Variants in TMEFF2 observed in about 807,000 individuals in gnomAD.
The protein encoded by TMEFF2 is tomoregulin-2.
Under a neutral mutation model 53.8 loss-of-function variants are expected in TMEFF2, and 28 were observed. The ratio of observed to expected loss-of-function variants is 0.52; its 90% CI spans 0.39 to 0.71. The LOEUF (loss-of-function observed/expected upper bound fraction) is 0.71. Ranked by LOEUF, TMEFF2 falls within the 30% of genes least tolerant of loss-of-function variation. The probability of loss-of-function intolerance (pLI) is 0.00; values close to 1 mark genes in which losing one functional copy is unlikely to be tolerated. For synonymous variants in TMEFF2, 162 were observed against 166.3 expected (o/e 0.97, Z 0.20); for missense variants, 353 against 455.2 (o/e 0.78, Z 2.04).
chr2:192,153,833 A>G (rs1002384134), intron 4 of TMEFF2, among the ~76,000 whole-genome samples: 2 of 151,900 alleles, frequency 1.3e-5, no homozygotes, highest in Non-Finnish European at 2.9e-5. Context: ...TAGGGATGAG[A>G]TGGCTGATGC....
intron 5 of TMEFF2, among the ~76,000 whole-genome samples, chr2:192,002,817 G>T (rs116445521): frequency 0.012 from 1,830 of 152,174 alleles, 31 homozygotes; most frequent in African/African-American, 0.042. Flanking sequence ...GCAACAGAGT[G>T]GGACTCTGTT....
intron 7 of TMEFF2, among the ~76,000 whole-genome samples, chr2:191,979,572 G>C (rs1018166152): frequency 4.9e-4 from 75 of 152,188 alleles, no homozygotes; most frequent in African/African-American, 1.8e-3. Flanking sequence ...AATTCAGAGA[G>C]CAGCTTATTT....
intron 8 of TMEFF2, among the ~76,000 whole-genome samples, chr2:191,955,232 CAT>C (rs1692037547): frequency 6.6e-6 from 1 of 151,288 alleles, no homozygotes; most frequent in African/African-American, 2.4e-5. Flanking sequence ...TCTATTTCAT[CAT>C]ATGTCACTTG....
intron 5 of TMEFF2, among the ~76,000 whole-genome samples, chr2:191,999,529 G>A (rs910394885): frequency 6.6e-6 from 1 of 152,002 alleles, no homozygotes; most frequent in Admixed American, 6.6e-5. Flanking sequence ...TGAATAGGCT[G>A]AGGTCATGAA....
At chr2:192,069,983 T>TGG in intron 4 of TMEFF2, among the ~76,000 whole-genome samples, 1 of 23,266 alleles carries the variant, frequency 4.3e-5, no homozygotes. Context: ...TGTGTGTGTG[T>TGG]GTGTGTATAT....
intron 4 of TMEFF2, among the ~76,000 whole-genome samples, chr2:192,122,323 A>G (rs1689575619): frequency 6.6e-6 from 1 of 152,188 alleles, no homozygotes; most frequent in Non-Finnish European, 1.5e-5. Flanking sequence ...CAGGAAATAT[A>G]CAAGAGAAAT....
intron 5 of TMEFF2, chr2:192,032,247 A>G (rs1184072827): frequency 6.6e-6 from 1 of 152,242 alleles, no homozygotes; most frequent in Non-Finnish European, 1.5e-5. Context: ...CTTCACCAAG[A>G]AAATGACTAC....
intron 4 of TMEFF2, among the ~76,000 whole-genome samples, chr2:192,139,902 A>G (rs1488428478): frequency 6.6e-6 from 1 of 152,196 alleles, no homozygotes; most frequent in African/African-American, 2.4e-5. Context: ...GAAGGAGTCT[A>G]GAGAGGTAGC....
chr2:191,953,177 C>T (rs184834414), intron 9 of TMEFF2, among the ~76,000 whole-genome samples: 122 of 152,266 alleles, frequency 8.0e-4, no homozygotes, highest in African/African-American at 2.9e-3. Flanking sequence ...TGTCTTTTAA[C>T]CTGATTCTCC....
intron 5 of TMEFF2, among the ~76,000 whole-genome samples, chr2:192,051,025 C>T (rs2105896426): frequency 6.6e-6 from 1 of 152,130 alleles, no homozygotes; most frequent in East Asian, 1.9e-4. Flanking sequence ...CTCTTCAGTT[C>T]CCACTCATTG....
rs1037118930 is a variant in TMEFF2, at chr2:192,194,746, G to T, written c.-222C>A. The T allele has an allele frequency of 1.4e-5, 8 of 572,356 alleles. No individual in the cohort carries two copies. The highest frequency in any genetic ancestry group is 1.3e-4 in the African/African-American group (7 of 52,978). 35.5% of individuals were successfully genotyped at this position (572,356 alleles called of 1,614,324 possible). A position where few individuals can be genotyped will look rare whatever the true frequency, so the allele number is the denominator to read the frequency against. ...CAGCCCCGGAGCGAGAGGGTCGTCC[G>T]CTGAGAAGCTGCGCCGGAGACGCGG... On this transcript the variant is annotated 5_prime_UTR_variant, in exon 1 of 10. Transcript: ENST00000272771. This position sits in a 1 kb window ranked among gnomAD's most constrained non-coding sequence, Gnocchi z 4.2.
In TMEFF2 at chr2:192,194,338, G is replaced by T. The variant is rs764041274; in HGVS notation, c.172+15C>A. The T allele has an allele frequency of 3.7e-6, 6 of 1,613,140 alleles. No homozygotes were observed. Among genetic ancestry groups the T allele is most frequent in the Non-Finnish European group, 5.1e-6 (6 of 1,179,264 alleles). On this transcript the variant is annotated intron_variant, in intron 1 of 9. Transcript: ENST00000272771. The surrounding 1 kb of genome is among the most constrained non-coding windows in gnomAD (Gnocchi z 4.2). The stretch of plus-strand genomic sequence containing the variant: ...TGCGGAGTTAAAGGGTCGGGGACGG[G>T]GGTTCTGGACTTACCAGAGCAATTC...
chr2:192,187,325 T>C (rs1355908187), intron 2 of TMEFF2, among the ~76,000 whole-genome samples: 1 of 152,210 alleles, frequency 6.6e-6, no homozygotes, highest in Non-Finnish European at 1.5e-5. Flanking sequence ...AAATATCTTG[T>C]AATACTCACT....
At chr2:192,042,946 G>A (rs1270958233) in intron 5 of TMEFF2, among the ~76,000 whole-genome samples, 1 of 152,120 alleles carries the variant, frequency 6.6e-6, no homozygotes, top group South Asian at 2.1e-4. Flanking sequence ...TCCTTGAAGA[G>A]CTCTAGGACC....
intron 5 of TMEFF2, among the ~76,000 whole-genome samples, chr2:192,010,132 G>A (rs1412428239): frequency 6.6e-6 from 1 of 152,162 alleles, no homozygotes; most frequent in African/African-American, 2.4e-5. Context: ...TTTATCATAT[G>A]AAGGGAATCA....
chr2:191,959,358 C>G (rs1009964172), intron 7 of TMEFF2, among the ~76,000 whole-genome samples: 4 of 152,208 alleles, frequency 2.6e-5, no homozygotes, highest in African/African-American at 9.7e-5. Flanking sequence ...TCTGAGTTAT[C>G]TGCAGCAGAG....
chr2:192,024,706 C>T (rs1356532538), intron 5 of TMEFF2, among the ~76,000 whole-genome samples: 1 of 152,118 alleles, frequency 6.6e-6, no homozygotes, highest in African/African-American at 2.4e-5. Flanking sequence ...TTTTTAAGCA[C>T]TTTATTTGGA....
chr2:192,014,143 C>T (rs1686695572), intron 5 of TMEFF2, among the ~76,000 whole-genome samples: 1 of 152,156 alleles, frequency 6.6e-6, no homozygotes. Context: ...CTACCATGTA[C>T]AGGTTATTAG....
At chr2:191,971,155 T>C (rs1430319548) in intron 7 of TMEFF2, among the ~76,000 whole-genome samples, 1 of 152,190 alleles carries the variant, frequency 6.6e-6, no homozygotes, top group Non-Finnish European at 1.5e-5. Context: ...CTAAACAGTT[T>C]ACTTCTACAT....
Sources: gnomAD v4.1 joint callset for allele counts (sites outside exome capture counted in the v4.1 genomes callset) on GRCh38, gnomAD v4.1.1 for gene constraint, Gnocchi (gnomAD v3.1) non-coding constraint, MANE v1.5 for transcripts, NCBI Gene and HGNC (gene_info 2026-07-23, HGNC 2026-07-21) for gene names.